ERC2: variants seen among roughly 807,000 people sequenced by gnomAD.
ERC2 encodes the protein ELKS/RAB6-interacting/CAST family member 2, also known as ERC protein 2.
A neutral mutation model predicts 114.8 loss-of-function variants in ERC2; 42 were observed. The observed-to-expected ratio is 0.37, with a 90% CI of 0.29 to 0.47. The LOEUF (loss-of-function observed/expected upper bound fraction) is 0.47. Ranked by LOEUF, ERC2 falls within the 20% of genes least tolerant of loss-of-function variation. The probability of loss-of-function intolerance (pLI) is 0.99; values close to 1 mark genes in which losing one functional copy is unlikely to be tolerated. For missense variants in ERC2, 939 were observed against 1,150.7 expected, an observed-to-expected ratio of 0.82 and a Z score of 2.66; for synonymous variants, 454 against 425.5, an observed-to-expected ratio of 1.07 and a Z score of -0.82.
intron 2 of ERC2, among the ~76,000 whole-genome samples, chr3:56,416,069 C>T (rs1005488409): frequency 2.0e-5 from 3 of 152,172 alleles, no homozygotes; most frequent in Non-Finnish European, 4.4e-5. Context: ...GATGATGCAG[C>T]AGGGGAAACT....
At chr3:55,991,725 C>A (rs2071071408) in intron 11 of ERC2, among the ~76,000 whole-genome samples, 1 of 152,104 alleles carries the variant, frequency 6.6e-6, no homozygotes, top group Non-Finnish European at 1.5e-5. Flanking sequence ...CAAATATTTA[C>A]CTGTGATGGA....
chr3:56,405,672 T>G (rs552006113), intron 2 of ERC2, among the ~76,000 whole-genome samples: 39 of 152,130 alleles, frequency 2.6e-4, no homozygotes, highest in Non-Finnish European at 4.4e-4. Context: ...GATAGATAGA[T>G]AGATGAAGAA....
At chr3:55,579,971 A>G (rs2057176704) in intron 17 of ERC2, among the ~76,000 whole-genome samples, 1 of 152,246 alleles carries the variant, frequency 6.6e-6, no homozygotes, top group Non-Finnish European at 1.5e-5. Flanking sequence ...TGCTTAATTT[A>G]ATATCTCCAC....
intron 14 of ERC2, among the ~76,000 whole-genome samples, chr3:55,807,504 T>C (rs1337786615): frequency 6.6e-6 from 1 of 152,224 alleles, no homozygotes; most frequent in Non-Finnish European, 1.5e-5. Context: ...TTGTGGGTCA[T>C]ATGAACACTG....
intron 13 of ERC2, among the ~76,000 whole-genome samples, chr3:55,942,434 G>A (rs1357311749): frequency 2.7e-5 from 4 of 147,686 alleles, no homozygotes; most frequent in Admixed American, 6.7e-5. Flanking sequence ...GACTACAGGC[G>A]CCCGCCACTA....
chr3:56,249,870 T>TC (rs2052017092), intron 3 of ERC2, among the ~76,000 whole-genome samples: 1 of 148,422 alleles, frequency 6.7e-6, no homozygotes, highest in Non-Finnish European at 1.5e-5. Context: ...TTTTTTTTTT[T>TC]TTTTTGAGAC....
At chr3:55,868,492 A>C (rs746706111) in intron 14 of ERC2, among the ~76,000 whole-genome samples, 1 of 152,232 alleles carries the variant, frequency 6.6e-6, no homozygotes, top group Non-Finnish European at 1.5e-5. Flanking sequence ...CACAAGAAAA[A>C]GAACAAAGAC....
At chr3:56,396,214 A>G (rs939772589) in intron 2 of ERC2, among the ~76,000 whole-genome samples, 1 of 152,214 alleles carries the variant, frequency 6.6e-6, no homozygotes, top group African/African-American at 2.4e-5. Flanking sequence ...TTCTTCAGAC[A>G]TTCTTGCTCA....
intron 14 of ERC2, among the ~76,000 whole-genome samples, chr3:55,766,473 C>T (rs2149010254): frequency 6.6e-6 from 1 of 152,238 alleles, no homozygotes; most frequent in Middle Eastern, 3.4e-3. Context: ...CTAATTGAAT[C>T]CAACAACAGT....
intron 14 of ERC2, among the ~76,000 whole-genome samples, chr3:55,867,518 G>C (rs2062380511): frequency 1.3e-5 from 2 of 152,148 alleles, no homozygotes; most frequent in Admixed American, 1.3e-4. Flanking sequence ...ACAATGACTA[G>C]AGAATAATAA....
rs2065524927 is a variant in ERC2 at position 55,734,846 on chromosome 3, T to C, written c.2637A>G (p.Lys879=). Residue 879 remains lysine (K), a synonymous_variant, in exon 15 of 18, where the codon AAA becomes AAG. Transcript: ENST00000288221. The stretch of plus-strand genomic sequence containing the variant: ...TGACTTCTTCCTGCGTCTTTTTCTT[T>C]TTGGAGGCAGACAATTCCAGCAAGG... The part of the protein sequence containing the change: ...NIALLELSAS[K]KKKTQEEVMA... 6.2e-7 allele frequency: 1 copy of C among 1,612,958 alleles called. No individual in the cohort carries two copies. Among genetic ancestry groups the C allele is most frequent in the Non-Finnish European group, 8.5e-7 (1 of 1,179,466 alleles).
intron 17 of ERC2, among the ~76,000 whole-genome samples, chr3:55,533,414 C>A (rs936811006): frequency 6.6e-6 from 1 of 152,204 alleles, no homozygotes; most frequent in Non-Finnish European, 1.5e-5. Context: ...TAGGAACCAA[C>A]GTTTGCTGCA....
chr3:56,321,008 G>A (rs181379429), intron 2 of ERC2, among the ~76,000 whole-genome samples: 5 of 152,118 alleles, frequency 3.3e-5, no homozygotes, highest in Non-Finnish European at 5.9e-5. Flanking sequence ...GCCACAGGTC[G>A]CATGGTGAAC....
chr3:55,718,531 T>G (rs2064259125), intron 15 of ERC2, among the ~76,000 whole-genome samples: 1 of 152,196 alleles, frequency 6.6e-6, no homozygotes, highest in Non-Finnish European at 1.5e-5. Context: ...ACCAGAAATG[T>G]AAGTAAGATG....
At chr3:55,831,841 A>C (rs1255727431) in intron 14 of ERC2, among the ~76,000 whole-genome samples, 1 of 152,206 alleles carries the variant, frequency 6.6e-6, no homozygotes, top group Non-Finnish European at 1.5e-5. Context: ...CAAGGAGTTC[A>C]CTTTCCTAGT....
At chr3:55,972,307 C>T (rs566097020) in intron 12 of ERC2, among the ~76,000 whole-genome samples, 15 of 152,276 alleles carry the variant, frequency 9.9e-5, no homozygotes, top group African/African-American at 3.1e-4. Flanking sequence ...ATGTGCAGAA[C>T]GTGCAGGTTT....
intron 10 of ERC2, among the ~76,000 whole-genome samples, chr3:55,998,375 G>A (rs2071769801): frequency 6.6e-6 from 1 of 152,084 alleles, no homozygotes; most frequent in South Asian, 2.1e-4. Context: ...AATTAGCAAT[G>A]TAGAGAACTG....
At chr3:55,563,622 A>C (rs1000888513) in intron 17 of ERC2, among the ~76,000 whole-genome samples, 1 of 152,242 alleles carries the variant, frequency 6.6e-6, no homozygotes, top group Non-Finnish European at 1.5e-5. Context: ...TTCAGAATCC[A>C]AAGCAGAAAG....
chr3:55,911,664 T>C (rs970441569), intron 13 of ERC2, among the ~76,000 whole-genome samples: 11 of 152,322 alleles, frequency 7.2e-5, no homozygotes, highest in African/African-American at 2.6e-4. Flanking sequence ...TCACAGAGCA[T>C]GAATGAGATT....
Sources: allele counts gnomAD v4.1 joint callset (sites outside exome capture counted in the v4.1 genomes callset), GRCh38; gene constraint gnomAD v4.1.1; transcripts MANE v1.5; gene names NCBI Gene and HGNC (gene_info 2026-07-23, HGNC 2026-07-21).